The following GGA3 variants were observed in gnomAD, a reference collection of about 807,000 sequenced individuals.
GGA3 encodes golgi associated, gamma adaptin ear containing, ARF binding protein 3.
GGA3 carries 57 observed loss-of-function variants against 77.5 expected under a neutral mutation model. The ratio of observed to expected loss-of-function variants is 0.74; its 90% CI spans 0.59 to 0.92. The LOEUF (loss-of-function observed/expected upper bound fraction) is 0.92. Ranked by LOEUF, GGA3 falls within the 40% of genes least tolerant of loss-of-function variation. The pLI is 0.00. For synonymous variants in GGA3, 416 were observed against 383.7 expected, an observed-to-expected ratio of 1.08 and a Z score of -0.98; for missense variants, 970 against 914.9, an observed-to-expected ratio of 1.06 and a Z score of -0.78.
intron 3 of GGA3, 89 bp downstream of exon 3, chr17:75,246,420 G>T (rs2242229): frequency 0.85 from 711,558 of 838,036 alleles, 303,203 homozygotes; most frequent in East Asian, 0.95. Flanking sequence ...GCTTTTGGCA[G>T]GAGCCCTAAG....
At chr17:75,241,305 A>C (rs565182323) in intron 10 of GGA3, 95 bp downstream of exon 10, 485 of 862,656 alleles carry the variant, frequency 5.6e-4, no homozygotes, top group Non-Finnish European at 7.7e-4. Context: ...GCCTTGTGCA[A>C]CACCACCACG....
chr17:75,240,804 G>A lies in GGA3; in HGVS notation c.1192+8C>T, dbSNP rs757858384. The A allele has an allele frequency of 1.9e-6, 3 of 1,605,184 alleles. No homozygotes were observed. Among genetic ancestry groups the A allele is most frequent in the Admixed American group, 3.4e-5 (2 of 59,344 alleles). Reference sequence around the variant, plus strand: ...GGGGATGCCCCTGACGCCCCCTGTGGGCCGCACCCAAGCAGAGTAGCTCCT... The same window carrying A: ...GGGGATGCCCCTGACGCCCCCTGTGAGCCGCACCCAAGCAGAGTAGCTCCT... On this transcript the variant is annotated splice_region_variant and intron_variant, in intron 11 of 16. Transcript: ENST00000537686.
chr17:75,244,861 C>T (rs551194438), intron 3 of GGA3, 144 bp from the exon 4 acceptor site: 33 of 647,956 alleles, frequency 5.1e-5, no homozygotes, highest in Non-Finnish European at 8.5e-5. Context: ...GTGCACTGCC[C>T]GGGGACAGTG....
chr17:75,240,126 G>T lies in GGA3; in HGVS notation c.1264-18C>A. The stretch of plus-strand genomic sequence containing the variant: ...TGTTCCCTCTATGAACAACAGAAAG[G>T]GTGGTGAGCCGAGGGCGGGTGGGGA... On this transcript the variant is annotated intron_variant, in intron 12 of 16. Transcript: ENST00000537686. 1 of 1,520,742 alleles carries T rather than the reference G, an allele frequency of 6.6e-7. No individual in the cohort carries two copies. Among genetic ancestry groups the T allele is most frequent in the Non-Finnish European group, 8.9e-7 (1 of 1,127,586 alleles). 94.2% of individuals were successfully genotyped at this position (1,520,742 alleles called of 1,614,324 possible). A position where few individuals can be genotyped will look rare whatever the true frequency, so the allele number is the denominator to read the frequency against.
At chr17:75,249,503 G>A (rs1044106098) in intron 1 of GGA3, among the ~76,000 whole-genome samples, 7 of 152,190 alleles carry the variant, frequency 4.6e-5, no homozygotes, top group Non-Finnish European at 5.9e-5. Flanking sequence ...CTGTATGGTA[G>A]CCTACCAGCT....
intron 1 of GGA3, among the ~76,000 whole-genome samples, chr17:75,255,578 T>C (rs79008389): frequency 1.3e-5 from 2 of 152,246 alleles, no homozygotes; most frequent in African/African-American, 2.4e-5. Flanking sequence ...TCCCACAGTA[T>C]GCTTTGAAAG....
chr17:75,237,671 C>T lies in GGA3; in HGVS notation c.*608G>A. The T allele has an allele frequency of 6.7e-7, 1 of 1,482,310 alleles. No homozygotes were observed. The highest frequency in any genetic ancestry group is 8.9e-7 in the Non-Finnish European group (1 of 1,117,702). The allele number at this position is 1,482,310 out of a possible 1,614,324, so 91.8% of individuals were successfully genotyped here. On this transcript the variant is annotated 3_prime_UTR_variant, in exon 17 of 17. Coordinates refer to ENST00000537686, the MANE Select transcript of GGA3 (RefSeq NM_138619.4). ...TGCCAGGGACAAGCACACAACTCAT[C>T]ACTCCGTGGCCATTCCAGGACGATG...
At chr17:75,255,500 C>T (rs1348324902) in intron 1 of GGA3, among the ~76,000 whole-genome samples, 18 of 152,192 alleles carry the variant, frequency 1.2e-4, no homozygotes, top group African/African-American at 3.9e-4. Flanking sequence ...CCTTGGCGAC[C>T]GATCATGCAC....
At chr17:75,252,497 T>C (rs531427057) in intron 1 of GGA3, among the ~76,000 whole-genome samples, 1 of 152,280 alleles carries the variant, frequency 6.6e-6, no homozygotes, top group South Asian at 2.1e-4. Flanking sequence ...CTCTCAGTCT[T>C]GTGGTCCTTT....
chr17:75,252,103 G>T (rs1048758873), intron 1 of GGA3, among the ~76,000 whole-genome samples: 1 of 149,456 alleles, frequency 6.7e-6, no homozygotes, highest in Non-Finnish European at 1.5e-5. Flanking sequence ...TGTTTGAGAC[G>T]GGGTCTCACT....
At chr17:75,241,791 G>A in intron 8 of GGA3, 95 bp from the exon 9 acceptor site, 2 of 1,051,788 alleles carry the variant, frequency 1.9e-6, no homozygotes, top group Non-Finnish European at 1.5e-6. Context: ...ACCGGGATAT[G>A]CCAATTGCCA....
Position 75,239,846 on chromosome 17 carries a change from C to T in GGA3, c.1526G>A (p.Gly509Asp), listed in dbSNP as rs1329849604. Residue 509 changes from glycine (G) to aspartate (D), a missense_variant, in exon 13 of 17, where the codon GGC (glycine) becomes GAC (aspartate). Coordinates refer to ENST00000537686, the MANE Select transcript of GGA3 (RefSeq NM_138619.4). ...AVPGHHGLALGNSALHHLDAL... is the reference protein window; with the variant it reads ...AVPGHHGLALDNSALHHLDAL... ...ATCCAGGTGGTGCAGCGCGCTGTTG[C>T]CCAACGCCAAGCCATGGTGCCCAGG... is the stretch of plus-strand genomic sequence containing the variant. The T allele has an allele frequency of 6.2e-7, 1 of 1,613,990 alleles. No individual in the cohort carries two copies. Among genetic ancestry groups the T allele is most frequent in the South Asian group, 1.1e-5 (1 of 91,090 alleles).
chr17:75,241,877 C>T (rs1295126374), intron 8 of GGA3, 181 bp from the exon 9 acceptor site: 1 of 637,484 alleles, frequency 1.6e-6, no homozygotes, highest in East Asian at 2.7e-5. Context: ...ACCACATCAC[C>T]CAGGATGTTT....
chr17:75,254,772 G>A (rs569905706), intron 1 of GGA3, among the ~76,000 whole-genome samples: 1 of 152,256 alleles, frequency 6.6e-6, no homozygotes. Flanking sequence ...TACATCTCCA[G>A]CACACAAGAA....
rs749144161 is a variant in GGA3, at chr17:75,241,028, G to A, written c.976C>T (p.Leu326Phe). 5 of 1,613,968 alleles carry A rather than the reference G, an allele frequency of 3.1e-6. No homozygotes were observed. Among genetic ancestry groups the A allele is most frequent in the East Asian group, 2.2e-5 (1 of 44,878 alleles). The change falls in exon 11 of 17, where the codon CTC (leucine) becomes TTC (phenylalanine). Residue 326 changes from leucine (L) to phenylalanine (F), a missense_variant. Coordinates refer to ENST00000537686, the MANE Select transcript of GGA3 (RefSeq NM_138619.4). ...GTGTCCAGCTCCGCAAGGTCGATGA[G>A]CGTGCCTTGGTTACTGCACTGACTG... ...GNSQCSNQGTLIDLAELDTTN... is the reference protein window; with the variant it reads ...GNSQCSNQGTFIDLAELDTTN...
chr17:75,240,883 G>A lies in GGA3; in HGVS notation c.1121C>T (p.Ala374Val). The A allele has an allele frequency of 6.2e-7, 1 of 1,613,754 alleles. No individual in the cohort carries two copies. Among genetic ancestry groups the A allele is most frequent in the Non-Finnish European group, 8.5e-7 (1 of 1,179,856 alleles). Reference sequence around the variant, plus strand: ...GCTGCTGGGCCCCAGGGTGGCCTCGGCCTGGCTAGAGGAGCGGCTCCGTGG... The same window carrying A: ...GCTGCTGGGCCCCAGGGTGGCCTCGACCTGGCTAGAGGAGCGGCTCCGTGG... The part of the protein sequence containing the change: ...GPPRSRSSSQ[A>V]EATLGPSSTS... The change falls in exon 11 of 17, where the codon GCC (alanine) becomes GTC (valine). Residue 374 changes from alanine (A) to valine (V), a missense_variant. Physicochemically the swap from Ala to Val is moderately conservative, Grantham distance 64 (BLOSUM62 0). Transcript: ENST00000537686.
intron 1 of GGA3, among the ~76,000 whole-genome samples, chr17:75,249,585 A>T (rs892588818): frequency 3.3e-4 from 50 of 152,220 alleles, no homozygotes; most frequent in African/African-American, 1.2e-3. Flanking sequence ...TAGCTCTGTT[A>T]CTAATTCCTA....
intron 10 of GGA3, 136 bp from the exon 11 acceptor site, chr17:75,241,193 C>A: frequency 1.8e-6 from 2 of 1,112,022 alleles, no homozygotes; most frequent in Non-Finnish European, 1.3e-6. Context: ...CCAGGGGATG[C>A]TGCAAAGCAA....
rs2076380919 is a variant in GGA3 at position 75,238,002 on chromosome 17, T to C, written c.*277A>G. On this transcript the variant is annotated 3_prime_UTR_variant, in exon 17 of 17. Transcript: ENST00000537686. The stretch of plus-strand genomic sequence containing the variant: ...CCTACGCCAAGCCTGGGGGTCCATG[T>C]TCCCGGGACAGCAGTGAAGTCAGGG... 8.4e-7 allele frequency: 1 copy of C among 1,194,588 alleles called. No homozygotes were observed. The allele number at this position is 1,194,588 out of a possible 1,614,324, so 74.0% of individuals were successfully genotyped here.
Sources: gnomAD v4.1 joint callset for allele counts (sites outside exome capture counted in the v4.1 genomes callset) on GRCh38, gnomAD v4.1.1 for gene constraint, MANE v1.5 for transcripts, NCBI Gene and HGNC (gene_info 2026-07-23, HGNC 2026-07-21) for gene names.